Variants in XRCC4 observed in about 807,000 individuals in gnomAD.
XRCC4 encodes X-ray repair cross complementing 4.
A neutral mutation model predicts 39.1 loss-of-function variants in XRCC4; 28 were observed. The observed-to-expected ratio is 0.72, with a 90% CI of 0.53 to 0.98. The LOEUF (loss-of-function observed/expected upper bound fraction) is 0.98. XRCC4 is among the 50% of genes least tolerant of loss of function. The pLI, the probability that XRCC4 is intolerant of heterozygous loss-of-function variation, is 0.00. For missense variants in XRCC4, 350 were observed against 376.4 expected, an observed-to-expected ratio of 0.93 and a Z score of 0.58; for synonymous variants, 123 against 126.4, an observed-to-expected ratio of 0.97 and a Z score of 0.18.
rs143343567 is a variant in XRCC4 at position 83,274,856 on chromosome 5, A to G, written c.893+16179A>G. On this transcript the variant is annotated intron_variant, in intron 7 of 7. Transcript: ENST00000396027. ...GCCAATGGTCTTTAAATTTTATTCA[A>G]AGTATAATGGTAAATTTTAAGGGCA... Among the ~76,000 whole-genome samples the G allele has an allele frequency of 2.0e-5, 3 of 152,340 alleles. No homozygotes were observed. The East Asian group carries it at 5.8e-4, about 29-fold the overall frequency.
intron 6 of XRCC4, among the ~76,000 whole-genome samples, chr5:83,212,990 G>A (rs913294501): frequency 6.1e-5 from 9 of 147,404 alleles, no homozygotes; most frequent in South Asian, 4.3e-4. Context: ...ACACATATAC[G>A]TAGAAAACAT....
At chr5:83,298,939 T>C (rs1046646482) in intron 7 of XRCC4, among the ~76,000 whole-genome samples, 1 of 152,048 alleles carries the variant, frequency 6.6e-6, no homozygotes, top group Non-Finnish European at 1.5e-5. Flanking sequence ...ATTAATTCTG[T>C]CTGTTTCTAA....
At chr5:83,347,901 T>C (rs577827303) in intron 7 of XRCC4, among the ~76,000 whole-genome samples, 4 of 152,256 alleles carry the variant, frequency 2.6e-5, no homozygotes, top group Non-Finnish European at 5.9e-5. Flanking sequence ...GTTCTCCTAT[T>C]CTAAGTGAGA....
chr5:83,334,418 T>C (rs545306542), intron 7 of XRCC4, among the ~76,000 whole-genome samples: 7 of 152,102 alleles, frequency 4.6e-5, no homozygotes, highest in Non-Finnish European at 7.4e-5. Flanking sequence ...TGAAATGTGG[T>C]TTACAATATG....
intron 7 of XRCC4, among the ~76,000 whole-genome samples, chr5:83,303,872 T>C (rs2112057019): frequency 6.6e-6 from 1 of 152,184 alleles, no homozygotes; most frequent in East Asian, 1.9e-4. Flanking sequence ...TGTAGATGCA[T>C]GGCAAATAAG....
chr5:83,111,673 A>G (rs976658378), intron 3 of XRCC4, among the ~76,000 whole-genome samples: 1 of 152,124 alleles, frequency 6.6e-6, no homozygotes, highest in African/African-American at 2.4e-5. Context: ...GATACTTTAT[A>G]TTGTCAGATT....
intron 3 of XRCC4, among the ~76,000 whole-genome samples, chr5:83,128,312 T>A (rs1298054845): frequency 6.6e-6 from 1 of 152,172 alleles, no homozygotes; most frequent in Non-Finnish European, 1.5e-5. Flanking sequence ...CTCATCCTTT[T>A]TAATGGCTAC....
In XRCC4 at chr5:83,341,209, C is replaced by A. The variant is rs1042609893; in HGVS notation, c.894-11922C>A. On this transcript the variant is annotated intron_variant, in intron 7 of 7. Coordinates refer to ENST00000396027, the MANE Select transcript of XRCC4 (RefSeq NM_003401.5). ...ATGTATAAGGTTTAAAAAAAAAAAA[C>A]AACAACAGTTTAAGAGAATATTCAG... Among the ~76,000 whole-genome samples, 5 of 147,436 alleles carry A rather than the reference C, an allele frequency of 3.4e-5. No homozygotes were observed. The East Asian group carries it at 8.7e-4, about 26-fold the overall frequency.
chr5:83,311,954 C>T (rs894689812), intron 7 of XRCC4, among the ~76,000 whole-genome samples: 5 of 151,948 alleles, frequency 3.3e-5, no homozygotes, highest in South Asian at 2.1e-4. Context: ...TGTAAAAGAA[C>T]GCAAGAAGCC....
At chr5:83,194,704 A>T (rs370296146) in intron 3 of XRCC4, among the ~76,000 whole-genome samples, 1 of 152,316 alleles carries the variant, frequency 6.6e-6, no homozygotes, top group Non-Finnish European at 1.5e-5. Flanking sequence ...CTACGGACTC[A>T]GTGCTACCAG....
chr5:83,204,324 A>G (rs961855750), intron 5 of XRCC4, among the ~76,000 whole-genome samples: 1 of 152,096 alleles, frequency 6.6e-6, no homozygotes, highest in Non-Finnish European at 1.5e-5. Context: ...GACGTAGTAT[A>G]AAAAAATTTG....
intron 6 of XRCC4, among the ~76,000 whole-genome samples, chr5:83,215,599 A>G (rs78176220): frequency 0.016 from 2,457 of 152,300 alleles, 39 homozygotes; most frequent in East Asian, 0.07. Flanking sequence ...TATTATAAAG[A>G]TAGTCATTAT....
intron 3 of XRCC4, among the ~76,000 whole-genome samples, chr5:83,166,426 C>T (rs1251047443): frequency 1.3e-5 from 2 of 151,572 alleles, no homozygotes; most frequent in African/African-American, 4.9e-5. Flanking sequence ...AACTAATTTA[C>T]CCTCCCACCA....
At chr5:83,131,974 A>G (rs7707967) in intron 3 of XRCC4, among the ~76,000 whole-genome samples, 73,685 of 151,960 alleles carry the variant, frequency 0.48, 18,852 homozygotes, top group African/African-American at 0.63. Flanking sequence ...TCTTCTTAGC[A>G]TCGATGGTCT....
At chr5:83,092,472 G>A (rs1417160084) in intron 1 of XRCC4, among the ~76,000 whole-genome samples, 1 of 144,904 alleles carries the variant, frequency 6.9e-6, no homozygotes. Flanking sequence ...AGTGGTATAA[G>A]TAATACTGAT....
chr5:83,103,025 T>TATATATACAC (rs943955057), intron 1 of XRCC4, among the ~76,000 whole-genome samples: 1 of 142,660 alleles, frequency 7.0e-6, no homozygotes, highest in African/African-American at 2.8e-5. Context: ...TATATATATA[T>TATATATACAC]ATATATGTCA....
At chr5:83,343,127 A>C (rs112514101) in intron 7 of XRCC4, among the ~76,000 whole-genome samples, 33 of 151,670 alleles carry the variant, frequency 2.2e-4, no homozygotes, top group African/African-American at 5.8e-4. Flanking sequence ...ATGGATTCTC[A>C]ATTTGTACAG....
chr5:83,118,212 A>G lies in XRCC4; in HGVS notation c.315+7009A>G, dbSNP rs567690201. 1.4e-4 allele frequency among the ~76,000 whole-genome samples: 22 copies of G among 152,142 alleles called. No individual in the cohort carries two copies. In the Middle Eastern group the frequency reaches 0.014, roughly 94 times the overall value. ...TAGCATAGAGGTTTATTTTTCAGTGATATAAAAATCCAAATAGGCAAACCT... is the reference window on the plus strand; with the variant it reads ...TAGCATAGAGGTTTATTTTTCAGTGGTATAAAAATCCAAATAGGCAAACCT... On this transcript the variant is annotated intron_variant, in intron 3 of 7. Coordinates refer to ENST00000396027, the MANE Select transcript of XRCC4 (RefSeq NM_003401.5).
Position 83,195,880 on chromosome 5 carries a change from G to T in XRCC4, c.426G>T (p.Glu142Asp). ...DTIAENQAKNEHLQKENERLL... is the reference protein window; with the variant it reads ...DTIAENQAKNDHLQKENERLL... ...TTGCAGAAAATCAAGCCAAAAATGA[G>T]CACCTGCAGAAAGAAAATGAAAGGC... Residue 142 changes from glutamate to aspartate, a missense_variant, in exon 4 of 8, where the codon GAG becomes GAT. Glu to Asp is a conservative substitution (Grantham distance 45). Transcript: ENST00000396027. 1.9e-6 allele frequency: 3 copies of T among 1,611,696 alleles called. No individual in the cohort carries two copies. Among genetic ancestry groups the T allele is most frequent in the Non-Finnish European group, 2.5e-6 (3 of 1,178,534 alleles).
Sources: gnomAD v4.1 joint callset for allele counts (sites outside exome capture counted in the v4.1 genomes callset) on GRCh38, gnomAD v4.1.1 for gene constraint, MANE v1.5 for transcripts, NCBI Gene and HGNC (gene_info 2026-07-23, HGNC 2026-07-21) for gene names.